The following NMNAT2 variants were observed in gnomAD, a reference collection of about 807,000 sequenced individuals.
NMNAT2 encodes the protein nicotinamide nucleotide adenylyltransferase 2.
A neutral mutation model predicts 41.6 loss-of-function variants in NMNAT2; 11 were observed. That is an observed-to-expected ratio of 0.26 (90% CI 0.17 to 0.44). NMNAT2 has a LOEUF of 0.44. Among genes scored for constraint, NMNAT2 ranks in the 20% least tolerant of loss-of-function variants. The pLI, the probability that NMNAT2 is intolerant of heterozygous loss-of-function variation, is 1.00. For synonymous variants in NMNAT2, 148 were observed against 151.2 expected (o/e 0.98, Z 0.16); for missense variants, 288 against 407.7 (o/e 0.71, Z 2.53).
chr1:183,277,357 C>G (rs4652792), intron 8 of NMNAT2, among the ~76,000 whole-genome samples: 110,287 of 151,502 alleles, frequency 0.73, 41,428 homozygotes, highest in Middle Eastern at 0.86. Context: ...GTGGCAGGTG[C>G]CTGTAATTCC....
chr1:183,389,337 A>T (rs925336899), intron 1 of NMNAT2, among the ~76,000 whole-genome samples: 1 of 152,220 alleles, frequency 6.6e-6, no homozygotes, highest in African/African-American at 2.4e-5. Context: ...GAAGCATGGA[A>T]ATTAAAAATA....
chr1:183,415,337 T>G (rs375160000), intron 1 of NMNAT2, among the ~76,000 whole-genome samples: 1 of 152,212 alleles, frequency 6.6e-6, no homozygotes, highest in Non-Finnish European at 1.5e-5. Context: ...CAGAGAAAAT[T>G]TTTAAAGCAA....
Position 183,252,649 on chromosome 1 carries a change from A to T in NMNAT2, c.916T>A (p.Ser306Thr), listed in dbSNP as rs1660422058. Residue 306 changes from serine (S) to threonine (T), a missense_variant, in exon 11 of 11, where the codon TCC becomes ACC. Around this residue, in one of 3 missense-constraint regions of NMNAT2, gnomAD observed 7 missense variants for 25.4 expected, o/e 0.28. Coordinates refer to ENST00000287713, the MANE Select transcript of NMNAT2 (RefSeq NM_015039.4). ...CGGAGGACGAGGGGCTGCTAGCCGG[A>T]GGCATTGATGTACAGCTGGCTTTTG... ...ILKSQLYINA[S>T]G 1 of 1,612,430 alleles carries T rather than the reference A, an allele frequency of 6.2e-7. No individual in the cohort carries two copies. Among genetic ancestry groups the T allele is most frequent in the African/African-American group, 1.3e-5 (1 of 74,884 alleles).
intron 10 of NMNAT2, among the ~76,000 whole-genome samples, chr1:183,258,784 C>T (rs1248927086): frequency 1.3e-5 from 2 of 152,034 alleles, no homozygotes; most frequent in African/African-American, 2.4e-5. Flanking sequence ...TTTGAATTTG[C>T]GGCCCCCCAC....
intron 1 of NMNAT2, among the ~76,000 whole-genome samples, chr1:183,297,310 C>T (rs770183535): frequency 2.0e-5 from 3 of 151,770 alleles, no homozygotes; most frequent in Non-Finnish European, 4.4e-5. Flanking sequence ...AGTGGTTTTA[C>T]TGGAGAATTC....
intron 1 of NMNAT2, among the ~76,000 whole-genome samples, chr1:183,330,451 G>A (rs964943924): frequency 2.0e-5 from 3 of 152,140 alleles, no homozygotes; most frequent in African/African-American, 7.2e-5. Flanking sequence ...AAGGAGGGTG[G>A]GACAGGTGCT....
chr1:183,359,745 A>G (rs1663266720), intron 1 of NMNAT2, among the ~76,000 whole-genome samples: 1 of 152,264 alleles, frequency 6.6e-6, no homozygotes. Flanking sequence ...AAATGGAGAC[A>G]CGTGTGGCTC....
rs200493890 is a variant in NMNAT2 at position 183,278,583 on chromosome 1, G to C, written c.621C>G (p.Phe207Leu). The change falls in exon 8 of 11, where the codon TTC becomes TTG. Residue 207 changes from phenylalanine to leucine, a missense_variant. Transcript: ENST00000287713. ...CCTCGTTCCAGAGCCCTGGGATGCA[G>C]AAGGACTCCAGCAGGTCACTACCAC... ...LLCGSDLLES[F>L]CIPGLWNEAD... The C allele has an allele frequency of 6.2e-7, 1 of 1,613,770 alleles. No individual in the cohort carries two copies. Among genetic ancestry groups the C allele is most frequent in the African/African-American group, 1.3e-5 (1 of 74,928 alleles).
chr1:183,377,019 A>G (rs1663693738), intron 1 of NMNAT2, among the ~76,000 whole-genome samples: 1 of 152,188 alleles, frequency 6.6e-6, no homozygotes. Context: ...GAGAACAGCA[A>G]CTGCTGGAAT....
At chr1:183,287,454 G>A (rs1661429482) in intron 4 of NMNAT2, among the ~76,000 whole-genome samples, 4 of 152,264 alleles carry the variant, frequency 2.6e-5, no homozygotes, top group Middle Eastern at 6.8e-3. Context: ...GCACTCTCTC[G>A]CCTGCTCAGT....
intron 8 of NMNAT2, among the ~76,000 whole-genome samples, chr1:183,275,856 T>C (rs943671486): frequency 1.3e-5 from 2 of 152,112 alleles, no homozygotes; most frequent in Admixed American, 1.3e-4. Flanking sequence ...GTATTTTTAG[T>C]AGAGACAGGG....
intron 1 of NMNAT2, among the ~76,000 whole-genome samples, chr1:183,298,741 G>T (rs1184223322): frequency 6.6e-6 from 1 of 152,160 alleles, no homozygotes; most frequent in Admixed American, 6.5e-5. Flanking sequence ...CTTCTATTGA[G>T]TTGGATGGCA....
chr1:183,276,645 G>C (rs1661130208), intron 8 of NMNAT2, among the ~76,000 whole-genome samples: 1 of 152,228 alleles, frequency 6.6e-6, no homozygotes, highest in Admixed American at 6.5e-5. Context: ...CTGTGCCACA[G>C]CTGCTGACCT....
At chr1:183,294,521 G>C (rs1156704591) in intron 1 of NMNAT2, among the ~76,000 whole-genome samples, 1 of 152,176 alleles carries the variant, frequency 6.6e-6, no homozygotes, top group East Asian at 1.9e-4. Context: ...GGCCGGGTGT[G>C]GTGGCTCACA....
chr1:183,375,769 A>G (rs1663664845), intron 1 of NMNAT2, among the ~76,000 whole-genome samples: 1 of 147,288 alleles, frequency 6.8e-6, no homozygotes, highest in African/African-American at 2.5e-5. Flanking sequence ...CCCTCCAACT[A>G]AGTCCAGAAC....
At chr1:183,334,150 C>G (rs1268055759) in intron 1 of NMNAT2, among the ~76,000 whole-genome samples, 1 of 152,228 alleles carries the variant, frequency 6.6e-6, no homozygotes, top group Non-Finnish European at 1.5e-5. Context: ...CTGAAACCAC[C>G]GTCTCTTTCG....
At chr1:183,341,249 G>C (rs1662794025) in intron 1 of NMNAT2, among the ~76,000 whole-genome samples, 1 of 152,106 alleles carries the variant, frequency 6.6e-6, no homozygotes, top group Non-Finnish European at 1.5e-5. Context: ...GGGACCATCA[G>C]GTCTTTATTA....
chr1:183,269,237 A>C (rs779551830), intron 8 of NMNAT2, among the ~76,000 whole-genome samples: 1 of 152,214 alleles, frequency 6.6e-6, no homozygotes, highest in Non-Finnish European at 1.5e-5. Flanking sequence ...AAAGACCCTG[A>C]GGTGGGGAAA....
intron 5 of NMNAT2, among the ~76,000 whole-genome samples, chr1:183,285,971 A>C (rs1000531125): frequency 2.0e-5 from 3 of 152,166 alleles, no homozygotes; most frequent in Non-Finnish European, 4.4e-5. Flanking sequence ...CTTCTTGCTC[A>C]CTGTGTGACC....
Sources: allele counts gnomAD v4.1 joint callset (sites outside exome capture counted in the v4.1 genomes callset), GRCh38; gene constraint gnomAD v4.1.1; regional missense constraint gnomAD v4.1.1; transcripts MANE v1.5; gene names NCBI Gene and HGNC (gene_info 2026-07-23, HGNC 2026-07-21).